Variants in ADK observed in about 807,000 individuals in gnomAD.
ADK encodes the protein adenosine kinase.
Under a neutral mutation model 44.7 loss-of-function variants are expected in ADK, and 24 were observed. The observed-to-expected ratio is 0.54, with a 90% CI of 0.39 to 0.76. ADK has a LOEUF of 0.76. ADK is among the 30% of genes least tolerant of loss of function. The pLI, the probability that ADK is intolerant of heterozygous loss-of-function variation, is 0.00. For synonymous variants in ADK, 128 were observed against 142.6 expected (o/e 0.90, Z 0.73); for missense variants, 321 against 425.1 (o/e 0.76, Z 2.15).
intron 3 of ADK, among the ~76,000 whole-genome samples, chr10:74,252,837 A>T (rs1845695829): frequency 6.6e-6 from 1 of 152,246 alleles, no homozygotes; most frequent in African/African-American, 2.4e-5. Context: ...TATTTAATCC[A>T]TTAAAACTGC....
chr10:74,354,000 AG>A (rs1206936809), intron 4 of ADK, among the ~76,000 whole-genome samples: 1 of 152,272 alleles, frequency 6.6e-6, no homozygotes, highest in Non-Finnish European at 1.5e-5. Context: ...CTCTGAATTA[AG>A]AAAAAGGGTT....
chr10:74,199,399 C>T (rs987535449), intron 1 of ADK, among the ~76,000 whole-genome samples: 6 of 152,160 alleles, frequency 3.9e-5, no homozygotes, highest in Admixed American at 6.5e-5. Flanking sequence ...TGTGTCTCTG[C>T]GTACCCAGTG....
intron 6 of ADK, among the ~76,000 whole-genome samples, chr10:74,479,377 C>A (rs1846980508): frequency 6.6e-6 from 1 of 151,264 alleles, no homozygotes; most frequent in African/African-American, 2.4e-5. Flanking sequence ...TCTCTTTTAG[C>A]CACTTTGTTT....
chr10:74,471,360 C>A (rs1306277316), intron 6 of ADK, among the ~76,000 whole-genome samples: 4 of 152,182 alleles, frequency 2.6e-5, no homozygotes, highest in African/African-American at 9.7e-5. Context: ...AGGCTTGAGC[C>A]ACCATGCCTG....
chr10:74,425,215 A>G (rs1424376926), intron 6 of ADK, among the ~76,000 whole-genome samples: 1 of 152,214 alleles, frequency 6.6e-6, no homozygotes. Context: ...CATAGGTAAC[A>G]TGAGTTCCAG....
intron 6 of ADK, among the ~76,000 whole-genome samples, chr10:74,492,949 T>C (rs991202860): frequency 5.9e-5 from 9 of 152,216 alleles, no homozygotes; most frequent in Non-Finnish European, 8.8e-5. Flanking sequence ...CTAACTATCC[T>C]ATTTCTCATT....
At chr10:74,160,725 G>A (rs11000902) in intron 1 of ADK, among the ~76,000 whole-genome samples, 158 of 150,956 alleles carry the variant, frequency 1.0e-3, no homozygotes, top group Middle Eastern at 0.01. Flanking sequence ...GTGTATGTGT[G>A]TGTGTAGGTA....
At chr10:74,546,214 G>A (rs1240056383) in intron 7 of ADK, among the ~76,000 whole-genome samples, 2 of 152,174 alleles carry the variant, frequency 1.3e-5, no homozygotes, top group African/African-American at 4.8e-5. Flanking sequence ...GCTGCAAAAT[G>A]GGTGAAAGTA....
intron 3 of ADK, among the ~76,000 whole-genome samples, chr10:74,262,631 G>A (rs1349114524): frequency 1.3e-5 from 2 of 151,956 alleles, no homozygotes; most frequent in South Asian, 2.1e-4. Context: ...ATTTCATACT[G>A]ATGAATAAAC....
intron 10 of ADK, among the ~76,000 whole-genome samples, chr10:74,698,590 C>T (rs571380951): frequency 4.0e-4 from 61 of 151,708 alleles, no homozygotes; most frequent in African/African-American, 1.3e-3. Context: ...GTCTCACTCT[C>T]TCTCCCATTC....
chr10:74,460,360 G>T (rs1406162959), intron 6 of ADK, among the ~76,000 whole-genome samples: 2 of 152,070 alleles, frequency 1.3e-5, no homozygotes, highest in African/African-American at 4.8e-5. Context: ...CATTTCTTGT[G>T]CTTATGAGCC....
At chr10:74,431,971 T>A (rs912197135) in intron 6 of ADK, among the ~76,000 whole-genome samples, 2 of 152,040 alleles carry the variant, frequency 1.3e-5, no homozygotes, top group African/African-American at 4.8e-5. Flanking sequence ...GGCGGGAGGA[T>A]CCCTGAGGCC....
At chr10:74,363,572 G>A (rs989415749) in intron 4 of ADK, among the ~76,000 whole-genome samples, 4 of 152,098 alleles carry the variant, frequency 2.6e-5, no homozygotes, top group Non-Finnish European at 5.9e-5. Context: ...AGGATCTGCT[G>A]TGGGATGGTG....
At chr10:74,708,171 G>T in intron 10 of ADK, 150 bp from the exon 11 acceptor site, 50 of 377,464 alleles carry the variant, frequency 1.3e-4, no homozygotes, top group Non-Finnish European at 1.8e-4. Flanking sequence ...AAAAAAAAAA[G>T]ACCTCCCTAA....
chr10:74,300,006 T>A (rs540235738), intron 3 of ADK, among the ~76,000 whole-genome samples: 1 of 152,194 alleles, frequency 6.6e-6, no homozygotes, highest in Non-Finnish European at 1.5e-5. Context: ...AATTAGCTTT[T>A]ACTGAAGACT....
At chr10:74,635,117 A>G (rs1271933522) in intron 9 of ADK, among the ~76,000 whole-genome samples, 3 of 152,268 alleles carry the variant, frequency 2.0e-5, no homozygotes, top group Admixed American at 6.5e-5. Flanking sequence ...GGTGAAAGAC[A>G]TGAACTTACA....
At chr10:74,501,056 G>C (rs1847868989) in intron 6 of ADK, among the ~76,000 whole-genome samples, 1 of 152,146 alleles carries the variant, frequency 6.6e-6, no homozygotes, top group Admixed American at 6.5e-5. Flanking sequence ...TTTCAGCTTA[G>C]TCATTTTCCA....
intron 5 of ADK, among the ~76,000 whole-genome samples, chr10:74,396,545 AAAAAC>A (rs1197675477): frequency 5.3e-5 from 8 of 152,164 alleles, no homozygotes; most frequent in Admixed American, 5.2e-4. Context: ...CTAAAAAACA[AAAAAC>A]AAAACAAAAA....
chr10:74,525,220 G>T (rs1294900078), intron 6 of ADK, 36 bp from the exon 7 acceptor site: 4 of 1,587,556 alleles, frequency 2.5e-6, no homozygotes, highest in Non-Finnish European at 3.5e-6. Flanking sequence ...TGTGGAGATG[G>T]TATTTCTAAT....
Sources: allele counts gnomAD v4.1 joint callset (sites outside exome capture counted in the v4.1 genomes callset), GRCh38; gene constraint gnomAD v4.1.1; transcripts MANE v1.5; gene names NCBI Gene and HGNC (gene_info 2026-07-23, HGNC 2026-07-21).